Variants in MLLT10 observed in about 807,000 individuals in gnomAD.
The protein encoded by MLLT10 is protein AF-10.
A neutral mutation model predicts 129.1 loss-of-function variants in MLLT10; 30 were observed. The observed-to-expected ratio is 0.23, with a 90% CI of 0.17 to 0.32. MLLT10 has a LOEUF of 0.32. MLLT10 is among the 10% of genes least tolerant of loss of function. MLLT10 has a pLI of 1.00. For synonymous variants in MLLT10, 490 were observed against 446.4 expected, an observed-to-expected ratio of 1.10 and a Z score of -1.23; for missense variants, 1,119 against 1,268.3, an observed-to-expected ratio of 0.88 and a Z score of 1.79.
intron 5 of MLLT10, among the ~76,000 whole-genome samples, chr10:21,605,151 C>T (rs1182404621): frequency 6.6e-6 from 1 of 151,734 alleles, no homozygotes; most frequent in Non-Finnish European, 1.5e-5. Context: ...GCCTAGTCTA[C>T]CTTAAACATG....
Position 21,554,614 on chromosome 10 carries a change from C to T in MLLT10, c.240+15702C>T, listed in dbSNP as rs1026206481. Among the ~76,000 whole-genome samples, 28 of 151,634 alleles carry T rather than the reference C, an allele frequency of 1.8e-4. No individual in the cohort carries two copies. In the East Asian group the frequency reaches 2.5e-3, roughly 14 times the overall value. On this transcript the variant is annotated intron_variant, in intron 3 of 22. Transcript: ENST00000307729. ...GATTACAGACACGCACCACCACGCCCGGCTAATTTTTTTTTTTTTTGTATT... is the reference window on the plus strand; with the variant it reads ...GATTACAGACACGCACCACCACGCCTGGCTAATTTTTTTTTTTTTTGTATT...
intron 14 of MLLT10, among the ~76,000 whole-genome samples, chr10:21,719,047 T>G (rs892529487): frequency 6.6e-6 from 1 of 152,216 alleles, no homozygotes; most frequent in African/African-American, 2.4e-5. Context: ...AAACATACAA[T>G]TTAGTGACTA....
rs1052084654 is a variant in MLLT10, at chr10:21,673,443, T to C, written c.1145T>C (p.Leu382Pro). ...TTCCTGAGCTTTACAGACTCAGATC[T>C]GCGTAATGACAGTTACTCTCACTCC... is the stretch of plus-strand genomic sequence containing the variant. ...QDFLSFTDSD[L>P]RNDSYSHSQQ... is the part of the protein sequence containing the mutation. The change falls in exon 11 of 23, where the codon CTG (leucine) becomes CCG (proline). Residue 382 changes from leucine (L) to proline (P), a missense_variant. Coordinates refer to ENST00000307729, the MANE Select transcript of MLLT10 (RefSeq NM_001195626.3). 6.2e-7 allele frequency: 1 copy of C among 1,613,640 alleles called. No individual in the cohort carries two copies. Among genetic ancestry groups the C allele is most frequent in the Non-Finnish European group, 8.5e-7 (1 of 1,179,936 alleles).
rs1220120497 is a variant in MLLT10 at position 21,739,924 on chromosome 10, CT to C, written c.2956-103del. 3.4e-6 allele frequency: 3 copies of C among 872,782 alleles called. No individual in the cohort carries two copies. The African/African-American group carries it at 5.1e-5, about 15-fold the overall frequency. 54.1% of individuals were successfully genotyped at this position (872,782 alleles called of 1,614,324 possible). On this transcript the variant is annotated intron_variant, in intron 21 of 22. Coordinates refer to ENST00000307729, the MANE Select transcript of MLLT10 (RefSeq NM_001195626.3). ...TCTAGATGAGATACTTGTTTTCTTT[CT>C]TTGCAAATATCTAATATTAAAGGAA...
At chr10:21,665,302 G>GGC (rs2050666456) in intron 9 of MLLT10, among the ~76,000 whole-genome samples, 1 of 25,338 alleles carries the variant, frequency 3.9e-5, no homozygotes, top group South Asian at 1.0e-3. Flanking sequence ...TGTTTTTTTT[G>GGC]GGGGGGGGGG....
intron 3 of MLLT10, among the ~76,000 whole-genome samples, chr10:21,552,458 C>T (rs550256226): frequency 2.2e-5 from 3 of 135,850 alleles, no homozygotes; most frequent in African/African-American, 5.6e-5. Context: ...TGACAGTGAT[C>T]TCAGCTCACT....
chr10:21,692,090 CTTGAACTTGGG>C (rs1282709933), intron 13 of MLLT10, among the ~76,000 whole-genome samples: 1 of 151,264 alleles, frequency 6.6e-6, no homozygotes. Context: ...ATGGGAATCG[CTTGAACTTGGG>C]AGGCAGAGGC....
chr10:21,599,740 A>AT (rs917616946), intron 5 of MLLT10, among the ~76,000 whole-genome samples: 20 of 151,560 alleles, frequency 1.3e-4, no homozygotes, highest in Non-Finnish European at 2.4e-4. Flanking sequence ...AGTTTTTTGT[A>AT]TTTTTTTTGT....
chr10:21,667,392 A>G (rs778554557), intron 9 of MLLT10, among the ~76,000 whole-genome samples: 6 of 146,906 alleles, frequency 4.1e-5, no homozygotes, highest in Admixed American at 2.0e-4. Context: ...TCAATTTTAT[A>G]ATTTTTCCTA....
intron 8 of MLLT10, among the ~76,000 whole-genome samples, chr10:21,637,682 GA>G (rs1331845468): frequency 6.6e-6 from 1 of 152,166 alleles, no homozygotes; most frequent in East Asian, 1.9e-4. Flanking sequence ...ACCCCTCTGG[GA>G]AAGCACTTCA....
intron 2 of MLLT10, among the ~76,000 whole-genome samples, chr10:21,537,442 C>T (rs1417401941): frequency 6.6e-6 from 1 of 152,046 alleles, no homozygotes; most frequent in Non-Finnish European, 1.5e-5. Context: ...GGACTACAGG[C>T]ACTACCACCA....
At chr10:21,665,348 G>A (rs902557057) in intron 9 of MLLT10, among the ~76,000 whole-genome samples, 4 of 150,274 alleles carry the variant, frequency 2.7e-5, no homozygotes, top group Non-Finnish European at 5.9e-5. Context: ...GAGTGCAATG[G>A]CACGATTTTG....
chr10:21,602,424 C>T (rs2043628655), intron 5 of MLLT10, among the ~76,000 whole-genome samples: 1 of 152,060 alleles, frequency 6.6e-6, no homozygotes, highest in East Asian at 1.9e-4. Context: ...TCAGATAACA[C>T]ACCATGTGAT....
At chr10:21,723,159 CT>C (rs765986897) in intron 14 of MLLT10, among the ~76,000 whole-genome samples, 1 of 152,064 alleles carries the variant, frequency 6.6e-6, no homozygotes, top group South Asian at 2.1e-4. Flanking sequence ...GCTAAAGATA[CT>C]TTATCTTTTT....
chr10:21,689,618 T>TAC (rs58778532), intron 13 of MLLT10, among the ~76,000 whole-genome samples: 1,727 of 112,012 alleles, frequency 0.015, 8 homozygotes, highest in Middle Eastern at 0.027. Context: ...TATATATATA[T>TAC]ACACACACAC....
intron 13 of MLLT10, among the ~76,000 whole-genome samples, chr10:21,706,545 G>A (rs1351443121): frequency 1.3e-5 from 2 of 152,186 alleles, no homozygotes; most frequent in East Asian, 1.9e-4. Context: ...ATGTGGGTTA[G>A]GGATAACTTA....
chr10:21,556,942 G>A lies in MLLT10; in HGVS notation c.240+18030G>A, dbSNP rs1336919443. 8 of 1,544,952 alleles carry A rather than the reference G, an allele frequency of 5.2e-6. No homozygotes were observed. The South Asian group carries it at 7.2e-5, about 14-fold the overall frequency. On this transcript the variant is annotated intron_variant, in intron 3 of 22. Coordinates refer to ENST00000307729, the MANE Select transcript of MLLT10 (RefSeq NM_001195626.3). ...GGCGTTTCAAGAAGGAGAGGTGGTA[G>A]TGTTTAAGTGGAATTAACTACTTGT...
chr10:21,734,221 G>GTAGA, intron 20 of MLLT10, 92 bp downstream of exon 20: 1 of 1,452,076 alleles, frequency 6.9e-7, no homozygotes, highest in East Asian at 2.3e-5. Context: ...GTGTTCCTTT[G>GTAGA]TAGATACACC....
At chr10:21,671,959 CAAACAAACAAAAAACCAA>C (rs1306097233) in intron 10 of MLLT10, among the ~76,000 whole-genome samples, 1 of 151,902 alleles carries the variant, frequency 6.6e-6, no homozygotes, top group African/African-American at 2.4e-5. Flanking sequence ...CCTCAAAAAA[CAAACAAACAAAAAACCAA>C]AAACAAACAA....
Sources: gnomAD v4.1 joint callset for allele counts (sites outside exome capture counted in the v4.1 genomes callset) on GRCh38, gnomAD v4.1.1 for gene constraint, MANE v1.5 for transcripts, NCBI Gene and HGNC (gene_info 2026-07-23, HGNC 2026-07-21) for gene names.